Variants in USP44 observed in about 807,000 individuals in gnomAD.
USP44 encodes the protein ubiquitin carboxyl-terminal hydrolase 44.
In USP44, 61 loss-of-function variants were observed where a neutral mutation model predicts 69.0. The observed-to-expected ratio is 0.88, with a 90% CI of 0.72 to 1.09. USP44 has a LOEUF of 1.09. Ranked by LOEUF, USP44 falls within the 50% of genes least tolerant of loss-of-function variation. USP44 has a pLI of 0.00. For synonymous variants in USP44, 297 were observed against 295.4 expected, an observed-to-expected ratio of 1.01 and a Z score of -0.06; for missense variants, 753 against 849.9, an observed-to-expected ratio of 0.89 and a Z score of 1.42.
chr12:95,547,794 GC>G lies in USP44; in HGVS notation c.-71+3477del, dbSNP rs549930629. ...TACAACAATTAAAGCTTAAAAGGTGGCGGGAGTGGGGGACTTGAGGACTGGT... is the reference window on the plus strand; with the variant it reads ...TACAACAATTAAAGCTTAAAAGGTGGGGGAGTGGGGGACTTGAGGACTGGT... On this transcript the variant is annotated intron_variant, in intron 1 of 5. Transcript: ENST00000258499. Among the ~76,000 whole-genome samples, 770 of 152,248 alleles carry G rather than the reference GC, an allele frequency of 5.1e-3. 4 individuals carry two copies. Among genetic ancestry groups the G allele is most frequent in the African/African-American group, 0.017 (707 of 41,534 alleles).
chr12:95,537,341 C>T (rs2077237787), intron 1 of USP44, among the ~76,000 whole-genome samples: 2 of 152,026 alleles, frequency 1.3e-5, no homozygotes, highest in Admixed American at 6.6e-5. Context: ...TTTTTTGAGA[C>T]AGAGTCTCAC....
chr12:95,523,689 C>CAAAAAAAAAAAAA (rs927669685), intron 4 of USP44, among the ~76,000 whole-genome samples: 89 of 89,000 alleles, frequency 1.0e-3, no homozygotes, highest in Non-Finnish European at 1.9e-3. Flanking sequence ...CTGTCTCTAC[C>CAAAAAAAAAAAAA]AAAAAAAAAA....
At chr12:95,534,389 G>A in intron 1 of USP44, 63 bp from the exon 2 acceptor site, 1 of 875,910 alleles carries the variant, frequency 1.1e-6, no homozygotes. Flanking sequence ...TTTTTCCCAA[G>A]AATAATAAAG....
In USP44 at chr12:95,521,497, T is replaced by C. The variant is rs148114460; in HGVS notation, c.1734-295A>G. 7.3e-3 allele frequency among the ~76,000 whole-genome samples: 1,118 copies of C among 152,292 alleles called. 10 individuals are homozygous for C. Among genetic ancestry groups the C allele is most frequent in the Non-Finnish European group, 0.012 (803 of 68,010 alleles). On this transcript the variant is annotated intron_variant, in intron 4 of 5. Coordinates refer to ENST00000258499, the MANE Select transcript of USP44 (RefSeq NM_032147.5). ...GTCAAGGCCACGAAAGGGTTGGGGA[T>C]TTTTTTGTTTTTTGTTGTTTTTGAG...
At position 95,524,076 on chromosome 12, in the gene USP44, T is replaced by G. The variant is rs146448205; in HGVS notation, c.1733+604A>C. 6.7e-3 allele frequency among the ~76,000 whole-genome samples: 1,024 copies of G among 152,026 alleles called. 2 individuals are homozygous for G. Among genetic ancestry groups the G allele is most frequent in the Non-Finnish European group, 1.0e-2 (677 of 67,968 alleles). On this transcript the variant is annotated intron_variant, in intron 4 of 5. Transcript: ENST00000258499. Reference sequence around the variant, plus strand: ...ATTTTTATTTTTATGTTTATGTATGTATGTACGTACATATGTATGTTTGAG... The same window carrying G: ...ATTTTTATTTTTATGTTTATGTATGGATGTACGTACATATGTATGTTTGAG...
In USP44 at chr12:95,548,834, CGCGACGACCCGGTGCGGCGGCT is replaced by C. The variant is rs2077666629; in HGVS notation, c.-71+2416_-71+2437del. The C allele has an allele frequency of 6.6e-6, 1 of 151,992 alleles. No individual in the cohort carries two copies. The highest frequency in any genetic ancestry group is 2.4e-5 in the African/African-American group (1 of 41,402). 9.4% of individuals were successfully genotyped at this position (151,992 alleles called of 1,614,324 possible). A position where few individuals can be genotyped will look rare whatever the true frequency, so the allele number is the denominator to read the frequency against. On this transcript the variant is annotated intron_variant, in intron 1 of 5. Transcript: ENST00000258499. The surrounding 1 kb of genome is among the most constrained non-coding windows in gnomAD (Gnocchi z 4.1). ...GCCCCCCGCCCCCCGGTTCGGCGGC[CGCGACGACCCGGTGCGGCGGCT>C]ACGACAGCCGTGACGCGCAGCAGGC...
In USP44 at chr12:95,521,219, G is replaced by A. The variant is rs777332039; in HGVS notation, c.1734-17C>T. On this transcript the variant is annotated splice_polypyrimidine_tract_variant and intron_variant, in intron 4 of 5. Coordinates refer to ENST00000258499, the MANE Select transcript of USP44 (RefSeq NM_032147.5). ...CCTGACCACCTGTGAACAAACCAGT[G>A]TAAAATTATCCACACAATTAAGGGA... 5 of 1,613,558 alleles carry A rather than the reference G, an allele frequency of 3.1e-6. No homozygotes were observed. Among genetic ancestry groups the A allele is most frequent in the South Asian group, 1.1e-5 (1 of 91,056 alleles).
intron 2 of USP44, among the ~76,000 whole-genome samples, chr12:95,529,226 G>A (rs772432246): frequency 3.4e-4 from 51 of 151,872 alleles, no homozygotes; most frequent in Non-Finnish European, 5.4e-4. Context: ...TAACTACTGG[G>A]CATTCAAAAA....
intron 3 of USP44, among the ~76,000 whole-genome samples, chr12:95,527,236 A>T (rs9739730): frequency 5.3e-5 from 8 of 151,828 alleles, no homozygotes; most frequent in African/African-American, 1.9e-4. Flanking sequence ...CTGGGATTAC[A>T]GGCGCACGCC....
chr12:95,519,595 C>T (rs1263533428), intron 5 of USP44, among the ~76,000 whole-genome samples: 1 of 151,016 alleles, frequency 6.6e-6, no homozygotes, highest in African/African-American at 2.4e-5. Context: ...CACCCGCCAC[C>T]ACGCCCGGCT....
intron 3 of USP44, among the ~76,000 whole-genome samples, chr12:95,528,141 A>C (rs1359883191): frequency 3.3e-5 from 5 of 152,184 alleles, no homozygotes; most frequent in Admixed American, 3.3e-4. Context: ...ACCTGGCCGA[A>C]GACGCTTCTC....
Position 95,517,931 on chromosome 12 carries a change from G to A in USP44, c.*223C>T. 1 of 423,444 alleles carries A rather than the reference G, an allele frequency of 2.4e-6. No homozygotes were observed. The highest frequency in any genetic ancestry group is 2.0e-5 in the African/African-American group (1 of 50,256). The allele number at this position is 423,444 out of a possible 1,614,324, so 26.2% of individuals were successfully genotyped here. On this transcript the variant is annotated 3_prime_UTR_variant, in exon 6 of 6. Coordinates refer to ENST00000258499, the MANE Select transcript of USP44 (RefSeq NM_032147.5). ...TAAAAATATAAAAGAGGTAACATCA[G>A]TCTGAGGTAAACACCAAAAGTTTAA...
At chr12:95,541,174 G>A (rs988452845) in intron 1 of USP44, among the ~76,000 whole-genome samples, 2 of 152,220 alleles carry the variant, frequency 1.3e-5, no homozygotes, top group Non-Finnish European at 2.9e-5. Flanking sequence ...AGCTGCTTGG[G>A]AGGCTGAGGC....
intron 2 of USP44, among the ~76,000 whole-genome samples, chr12:95,531,571 A>T (rs1288996703): frequency 3.3e-5 from 5 of 152,212 alleles, no homozygotes; most frequent in Admixed American, 6.5e-5. Context: ...ACAGAGAAAG[A>T]TGGAGAAGTA....
rs780005558 is a variant in USP44 at position 95,534,157 on chromosome 12, T to G, written c.100A>C (p.Thr34Pro). 6.2e-7 allele frequency: 1 copy of G among 1,614,174 alleles called. No individual in the cohort carries two copies. Among genetic ancestry groups the G allele is most frequent in the Non-Finnish European group, 8.5e-7 (1 of 1,180,026 alleles). Reference protein sequence around the residue: ...PQKWHCVDCNTTESIWACLSC... With the variant: ...PQKWHCVDCNPTESIWACLSC... ...AGGCAAGCCCAAATGGACTCGGTCG[T>G]GTTGCAGTCCACACAGTGCCATTTC... The change falls in exon 2 of 6, where the codon ACG becomes CCG. Residue 34 changes from threonine to proline, a missense_variant. Physicochemically the swap from Thr to Pro is conservative, Grantham distance 38. Coordinates refer to ENST00000258499, the MANE Select transcript of USP44 (RefSeq NM_032147.5).
chr12:95,520,395 G>A (rs1261147128), intron 5 of USP44, among the ~76,000 whole-genome samples: 1 of 152,048 alleles, frequency 6.6e-6, no homozygotes, highest in Non-Finnish European at 1.5e-5. Flanking sequence ...GGGAGGCTGA[G>A]GCAGGAGAAT....
chr12:95,541,274 T>C (rs1470631002), intron 1 of USP44, among the ~76,000 whole-genome samples: 1 of 152,030 alleles, frequency 6.6e-6, no homozygotes, highest in Non-Finnish European at 1.5e-5. Flanking sequence ...AAACTCTGTT[T>C]CAAAAAATAA....
At chr12:95,528,412 T>C (rs2076919623) in intron 3 of USP44, among the ~76,000 whole-genome samples, 1 of 152,234 alleles carries the variant, frequency 6.6e-6, no homozygotes, top group Admixed American at 6.5e-5. Context: ...TTTATGTATA[T>C]AGACATACAC....
rs747786219 is a variant in USP44 at position 95,551,409 on chromosome 12, G to C, written c.-208C>G. On this transcript the variant is annotated 5_prime_UTR_variant, in exon 1 of 6. Coordinates refer to ENST00000258499, the MANE Select transcript of USP44 (RefSeq NM_032147.5). ...AAAAGTCCTGGCGGCTGCCTCCAGT[G>C]CCCCCCTGCAAATCATTACAAATCA... 1.3e-5 allele frequency: 2 copies of C among 152,522 alleles called. No homozygotes were observed. The highest frequency in any genetic ancestry group is 4.8e-5 in the African/African-American group (2 of 41,364). 9.4% of individuals were successfully genotyped at this position (152,522 alleles called of 1,614,324 possible).
Sources: gnomAD v4.1 joint callset for allele counts (sites outside exome capture counted in the v4.1 genomes callset) on GRCh38, gnomAD v4.1.1 for gene constraint, Gnocchi (gnomAD v3.1) non-coding constraint, MANE v1.5 for transcripts, NCBI Gene and HGNC (gene_info 2026-07-23, HGNC 2026-07-21) for gene names.